The following COG5 variants were observed in gnomAD, a reference collection of about 807,000 sequenced individuals.
COG5 encodes the protein component of oligomeric golgi complex 5.
A neutral mutation model predicts 110.4 loss-of-function variants in COG5; 86 were observed. The ratio of observed to expected loss-of-function variants is 0.78; its 90% CI spans 0.65 to 0.93. The LOEUF (loss-of-function observed/expected upper bound fraction) is 0.93. Ranked by LOEUF, COG5 falls within the 40% of genes least tolerant of loss-of-function variation. COG5 has a pLI of 0.00. For missense variants in COG5, 1,077 were observed against 987.0 expected, an observed-to-expected ratio of 1.09 and a Z score of -1.22; for synonymous variants, 360 against 334.6, an observed-to-expected ratio of 1.08 and a Z score of -0.83.
chr7:107,318,999 C>T (rs1584671329), intron 11 of COG5, among the ~76,000 whole-genome samples: 1 of 152,140 alleles, frequency 6.6e-6, no homozygotes, highest in South Asian at 2.1e-4. Flanking sequence ...CTTGATGTGT[C>T]CCATGGGTCC....
chr7:107,317,533 G>A (rs1379494523), intron 11 of COG5, among the ~76,000 whole-genome samples: 1 of 152,122 alleles, frequency 6.6e-6, no homozygotes, highest in Non-Finnish European at 1.5e-5. Context: ...AATTCACAGG[G>A]TAATAATTTG....
intron 10 of COG5, among the ~76,000 whole-genome samples, chr7:107,345,144 T>G (rs1023734878): frequency 5.3e-5 from 8 of 152,126 alleles, no homozygotes; most frequent in Non-Finnish European, 1.2e-4. Context: ...AATGGCCAGT[T>G]GGTGGAGCAG....
intron 7 of COG5, among the ~76,000 whole-genome samples, chr7:107,408,031 T>C (rs1172883809): frequency 6.6e-6 from 1 of 152,142 alleles, no homozygotes; most frequent in Non-Finnish European, 1.5e-5. Flanking sequence ...AATCAGACAC[T>C]AATAGAAGAC....
At chr7:107,339,242 G>C (rs1433124963) in intron 10 of COG5, among the ~76,000 whole-genome samples, 1 of 152,052 alleles carries the variant, frequency 6.6e-6, no homozygotes, top group Non-Finnish European at 1.5e-5. Context: ...AGATAAAACA[G>C]ACTTTAATCC....
intron 6 of COG5, among the ~76,000 whole-genome samples, chr7:107,441,992 G>T (rs149952598): frequency 6.6e-6 from 1 of 152,156 alleles, no homozygotes; most frequent in South Asian, 2.1e-4. Flanking sequence ...TATCTAAAAG[G>T]TAAGGAAAGA....
intron 5 of COG5, among the ~76,000 whole-genome samples, chr7:107,544,174 G>C (rs745728687): frequency 6.6e-6 from 1 of 151,868 alleles, no homozygotes. Context: ...GCTAACCCTG[G>C]TAAACCCAAG....
chr7:107,310,186 C>T (rs1163782118), intron 11 of COG5, among the ~76,000 whole-genome samples: 1 of 152,126 alleles, frequency 6.6e-6, no homozygotes, highest in East Asian at 1.9e-4. Flanking sequence ...CCCAGTGATA[C>T]CAGTTAGACT....
rs921855738 is a variant in COG5, at chr7:107,526,923, T to G, written c.538+314A>C. Among the ~76,000 whole-genome samples the G allele has an allele frequency of 2.0e-5, 3 of 152,248 alleles. No individual in the cohort carries two copies. The South Asian group carries it at 6.2e-4, about 32-fold the overall frequency. ...ACCGTGAAGGGATAATGAGGGAATCTGGAGGAGTGATGGAATTGTTCTGTA... is the reference window on the plus strand; with the variant it reads ...ACCGTGAAGGGATAATGAGGGAATCGGGAGGAGTGATGGAATTGTTCTGTA... On this transcript the variant is annotated intron_variant, in intron 6 of 21. Coordinates refer to ENST00000297135, the MANE Select transcript of COG5 (RefSeq NM_006348.5).
At chr7:107,411,066 T>C (rs1306115156) in intron 7 of COG5, among the ~76,000 whole-genome samples, 2 of 152,064 alleles carry the variant, frequency 1.3e-5, no homozygotes, top group Non-Finnish European at 2.9e-5. Flanking sequence ...GCTGAAGTCC[T>C]AGAGATGGGA....
intron 10 of COG5, among the ~76,000 whole-genome samples, chr7:107,344,910 G>A (rs1811468503): frequency 6.6e-6 from 1 of 152,048 alleles, no homozygotes; most frequent in Non-Finnish European, 1.5e-5. Flanking sequence ...TTTACAACTT[G>A]GCTAATTAGT....
intron 5 of COG5, among the ~76,000 whole-genome samples, chr7:107,545,600 C>T (rs535122712): frequency 2.4e-4 from 37 of 151,812 alleles, no homozygotes; most frequent in East Asian, 3.9e-4. Flanking sequence ...GCCAAGAAGG[C>T]GAAATGCCAT....
At chr7:107,452,579 G>T (rs752154311) in intron 6 of COG5, among the ~76,000 whole-genome samples, 2 of 152,082 alleles carry the variant, frequency 1.3e-5, no homozygotes, top group Non-Finnish European at 2.9e-5. Context: ...TTTTAAAAAC[G>T]GGAGTTTCCT....
chr7:107,307,348 T>C (rs1242752047), intron 11 of COG5, among the ~76,000 whole-genome samples: 1 of 152,232 alleles, frequency 6.6e-6, no homozygotes, highest in Non-Finnish European at 1.5e-5. Flanking sequence ...TCTTTATTCT[T>C]CTGTGCTGAC....
intron 6 of COG5, among the ~76,000 whole-genome samples, chr7:107,440,187 G>C (rs1014642363): frequency 2.6e-5 from 4 of 152,138 alleles, no homozygotes; most frequent in Non-Finnish European, 5.9e-5. Context: ...ATCTTCTTGA[G>C]AGCAGAAATT....
At chr7:107,306,857 C>G (rs1807761999) in intron 11 of COG5, among the ~76,000 whole-genome samples, 1 of 152,154 alleles carries the variant, frequency 6.6e-6, no homozygotes, top group Non-Finnish European at 1.5e-5. Flanking sequence ...TAGTCTTCAA[C>G]TTTGACAGGA....
In COG5 at chr7:107,372,672, C is replaced by T. The variant is rs1209692744; in HGVS notation, c.758G>A (p.Cys253Tyr). 2 of 1,613,434 alleles carry T rather than the reference C, an allele frequency of 1.2e-6. No homozygotes were observed. The highest frequency in any genetic ancestry group is 1.7e-5 in the Admixed American group (1 of 59,996). The change falls in exon 8 of 22, where the codon TGT becomes TAT. Residue 253 changes from cysteine to tyrosine, a missense_variant. Cys to Tyr is a radical substitution (Grantham distance 194). Transcript: ENST00000297135. ...DTITSVVDGY[C>Y]ATLEENINSA... ...GTTGATATTTTCTTCTAAAGTAGCACAATATCCATCCACAACACTGGTAAT... is the reference window on the plus strand; with the variant it reads ...GTTGATATTTTCTTCTAAAGTAGCATAATATCCATCCACAACACTGGTAAT...
rs1554392256 is a variant in COG5 at position 107,202,579 on chromosome 7, A to ATGAG, written c.*933_*936dup. On this transcript the variant is annotated 3_prime_UTR_variant, in exon 22 of 22. Transcript: ENST00000297135. The stretch of plus-strand genomic sequence containing the variant: ...GATTAATCTTGGCTGAATTTTATTT[A>ATGAG]TGAGTTCTCAGAATAACAGGTTCAG... 1 of 152,532 alleles carries ATGAG rather than the reference A, an allele frequency of 6.6e-6. No individual in the cohort carries two copies. Among genetic ancestry groups the ATGAG allele is most frequent in the African/African-American group, 2.4e-5 (1 of 41,430 alleles). The allele number at this position is 152,532 out of a possible 1,614,324, so 9.4% of individuals were successfully genotyped here. A position where few individuals can be genotyped will look rare whatever the true frequency, so the allele number is the denominator to read the frequency against.
At chr7:107,434,409 T>C (rs941407742) in intron 6 of COG5, among the ~76,000 whole-genome samples, 2 of 151,956 alleles carry the variant, frequency 1.3e-5, no homozygotes, top group Non-Finnish European at 2.9e-5. Context: ...AGCCAAGAGG[T>C]AAAAAGCAAC....
chr7:107,403,384 C>A (rs1382472170), intron 7 of COG5, among the ~76,000 whole-genome samples: 1 of 151,592 alleles, frequency 6.6e-6, no homozygotes, highest in South Asian at 2.1e-4. Flanking sequence ...CAGAAAGACA[C>A]CCTTTTTTTT....
Sources: gnomAD v4.1 joint callset for allele counts (sites outside exome capture counted in the v4.1 genomes callset) on GRCh38, gnomAD v4.1.1 for gene constraint, MANE v1.5 for transcripts, NCBI Gene and HGNC (gene_info 2026-07-23, HGNC 2026-07-21) for gene names.